Variants in WDFY2 observed in about 807,000 individuals in gnomAD.
WDFY2 encodes the protein WD repeat and FYVE domain containing 2.
WDFY2 carries 36 observed loss-of-function variants against 56.4 expected under a neutral mutation model. The ratio of observed to expected loss-of-function variants is 0.64; its 90% CI spans 0.49 to 0.84. The LOEUF (loss-of-function observed/expected upper bound fraction) is 0.84, where lower values mean the gene tolerates loss of function less well. WDFY2 is among the 40% of genes least tolerant of loss of function. WDFY2 has a pLI of 0.00. For missense variants in WDFY2, 444 were observed against 512.2 expected, an observed-to-expected ratio of 0.87 and a Z score of 1.29; for synonymous variants, 176 against 183.7, an observed-to-expected ratio of 0.96 and a Z score of 0.34.
chr13:51,598,135 A>AGATG (rs1566303346), intron 1 of WDFY2, among the ~76,000 whole-genome samples: 3,183 of 152,200 alleles, frequency 0.021, 116 homozygotes, highest in African/African-American at 0.072. Flanking sequence ...TGAGGTGGGC[A>AGATG]GATCACCTGA....
chr13:51,619,874 A>G lies in WDFY2; in HGVS notation c.137+35050A>G, dbSNP rs116328694. ...TTTGCCTTATTTGAACCTGCCTTGCATAGTTGGCTGCCTATAGTTGGCTGA... is the reference window on the plus strand; with the variant it reads ...TTTGCCTTATTTGAACCTGCCTTGCGTAGTTGGCTGCCTATAGTTGGCTGA... On this transcript the variant is annotated intron_variant, in intron 1 of 11. Transcript: ENST00000298125. Among the ~76,000 whole-genome samples, 1,163 of 152,370 alleles carry G rather than the reference A, an allele frequency of 7.6e-3. 13 individuals carry two copies. Among genetic ancestry groups the G allele is most frequent in the African/African-American group, 0.026 (1,091 of 41,582 alleles).
At chr13:51,724,087 T>C (rs1376433568) in intron 5 of WDFY2, among the ~76,000 whole-genome samples, 1 of 152,030 alleles carries the variant, frequency 6.6e-6, no homozygotes, top group South Asian at 2.1e-4. Context: ...AGCACTATTA[T>C]GAAATCTTAG....
At chr13:51,601,869 G>A (rs1954290887) in intron 1 of WDFY2, among the ~76,000 whole-genome samples, 1 of 152,132 alleles carries the variant, frequency 6.6e-6, no homozygotes. Flanking sequence ...AATCACAACA[G>A]GCTGAACTTG....
At chr13:51,704,097 G>C (rs1238169925) in intron 4 of WDFY2, among the ~76,000 whole-genome samples, 1 of 152,076 alleles carries the variant, frequency 6.6e-6, no homozygotes, top group African/African-American at 2.4e-5. Flanking sequence ...TTTTTGGAAG[G>C]GATTTCTTTA....
Position 51,759,831 on chromosome 13 carries a change from C to T in WDFY2, c.*62C>T, listed in dbSNP as rs917617054. 176 of 1,082,888 alleles carry T rather than the reference C, an allele frequency of 1.6e-4. No individual in the cohort carries two copies. Among genetic ancestry groups the T allele is most frequent in the Non-Finnish European group, 3.7e-5 (28 of 765,060 alleles). The allele number at this position is 1,082,888 out of a possible 1,614,324, so 67.1% of individuals were successfully genotyped here. Reference sequence around the variant, plus strand: ...AAGAAACGGTTGTTTTAACCCAAATCATTACCAGAGTGGTAAAGCAGACAT... The same window carrying T: ...AAGAAACGGTTGTTTTAACCCAAATTATTACCAGAGTGGTAAAGCAGACAT... On this transcript the variant is annotated 3_prime_UTR_variant, in exon 12 of 12. Coordinates refer to ENST00000298125, the MANE Select transcript of WDFY2 (RefSeq NM_052950.4).
At chr13:51,641,825 C>CAAAAAAAAAA (rs750489541) in intron 1 of WDFY2, among the ~76,000 whole-genome samples, 1 of 37,420 alleles carries the variant, frequency 2.7e-5, no homozygotes. Flanking sequence ...GACTCCGTCT[C>CAAAAAAAAAA]AAAAAAAAAA....
intron 4 of WDFY2, among the ~76,000 whole-genome samples, chr13:51,709,973 A>G (rs1952173046): frequency 6.6e-6 from 1 of 152,142 alleles, no homozygotes; most frequent in African/African-American, 2.4e-5. Context: ...CCTGGCAGAG[A>G]CACAACAAAA....
intron 1 of WDFY2, among the ~76,000 whole-genome samples, chr13:51,593,253 A>T (rs768638950): frequency 6.6e-6 from 1 of 152,292 alleles, no homozygotes; most frequent in East Asian, 1.9e-4. Flanking sequence ...CTGATCTCCC[A>T]TCATGAACAA....
chr13:51,738,009 TAAGA>T (rs1372616651), intron 6 of WDFY2, among the ~76,000 whole-genome samples: 1 of 151,708 alleles, frequency 6.6e-6, no homozygotes, highest in Non-Finnish European at 1.5e-5. Context: ...ATATGACAAA[TAAGA>T]AAGTATTCTC....
At chr13:51,633,207 A>G (rs554273347) in intron 1 of WDFY2, among the ~76,000 whole-genome samples, 3 of 152,362 alleles carry the variant, frequency 2.0e-5, no homozygotes, top group East Asian at 1.9e-4. Flanking sequence ...CTGCTGCTCC[A>G]GCACTGGCCT....
Position 51,762,439 on chromosome 13 carries a change from A to C in WDFY2, c.*2670A>C, listed in dbSNP as rs1218400926. On this transcript the variant is annotated 3_prime_UTR_variant, in exon 12 of 12. Coordinates refer to ENST00000298125, the MANE Select transcript of WDFY2 (RefSeq NM_052950.4). ...CATCATCAGAAAACCAGATATGTCA[A>C]GGTATCCATTGCTCTTTCCTTTTCT... 1 of 152,218 alleles carries C rather than the reference A, an allele frequency of 6.6e-6. No individual in the cohort carries two copies. Among genetic ancestry groups the C allele is most frequent in the South Asian group, 2.1e-4 (1 of 4,826 alleles). 9.4% of individuals were successfully genotyped at this position (152,218 alleles called of 1,614,324 possible).
intron 7 of WDFY2, 32 bp downstream of exon 7, chr13:51,739,207 G>C: frequency 6.4e-7 from 1 of 1,553,798 alleles, no homozygotes; most frequent in Non-Finnish European, 8.7e-7. Context: ...TAAAGACTCT[G>C]AGAAAAGATT....
intron 3 of WDFY2, among the ~76,000 whole-genome samples, chr13:51,697,824 TC>T (rs1170978299): frequency 6.6e-6 from 1 of 152,186 alleles, no homozygotes; most frequent in Admixed American, 6.5e-5. Context: ...GTACTACTAT[TC>T]CAATTGTATG....
intron 7 of WDFY2, among the ~76,000 whole-genome samples, chr13:51,745,953 T>C (rs1953088707): frequency 7.2e-6 from 1 of 138,692 alleles, no homozygotes; most frequent in Non-Finnish European, 1.6e-5. Context: ...CACTGGACTT[T>C]TCTTTTTCTT....
At chr13:51,733,355 G>A (rs1233147974) in intron 6 of WDFY2, among the ~76,000 whole-genome samples, 1 of 152,172 alleles carries the variant, frequency 6.6e-6, no homozygotes, top group African/African-American at 2.4e-5. Context: ...TGTTTAAATA[G>A]CACCTTAAGG....
intron 1 of WDFY2, chr13:51,587,038 A>G (rs1953953978): frequency 6.6e-6 from 1 of 152,216 alleles, no homozygotes; most frequent in South Asian, 2.1e-4. Flanking sequence ...GATTTTCATC[A>G]CAACCTACAA....
intron 4 of WDFY2, among the ~76,000 whole-genome samples, chr13:51,714,204 A>G (rs1482058835): frequency 1.3e-5 from 2 of 151,864 alleles, no homozygotes; most frequent in East Asian, 1.9e-4. Context: ...AATAAATATT[A>G]ATTCCTTTCA....
chr13:51,679,498 G>A lies in WDFY2; in HGVS notation c.279+4255G>A, dbSNP rs184829684. On this transcript the variant is annotated intron_variant, in intron 3 of 11. Coordinates refer to ENST00000298125, the MANE Select transcript of WDFY2 (RefSeq NM_052950.4). ...TATGGGAAGTTTGATTGGGATGAGA[G>A]GATTGATCTATAAATGGTTAGCACT... 6.6e-5 allele frequency among the ~76,000 whole-genome samples: 10 copies of A among 152,130 alleles called. No individual in the cohort carries two copies. The East Asian group carries it at 1.7e-3, about 26-fold the overall frequency.
intron 1 of WDFY2, among the ~76,000 whole-genome samples, chr13:51,616,863 T>C (rs1241497014): frequency 6.6e-6 from 1 of 152,250 alleles, no homozygotes; most frequent in Non-Finnish European, 1.5e-5. Context: ...CACATAGTTC[T>C]AAGTGTTTTT....
Sources: allele counts gnomAD v4.1 joint callset (sites outside exome capture counted in the v4.1 genomes callset), GRCh38; gene constraint gnomAD v4.1.1; transcripts MANE v1.5; gene names NCBI Gene and HGNC (gene_info 2026-07-23, HGNC 2026-07-21).